Variants in ZNF516 observed in about 807,000 individuals in gnomAD.
The protein encoded by ZNF516 is zinc finger protein 516.
Under a neutral mutation model 79.7 loss-of-function variants are expected in ZNF516, and 19 were observed. The ratio of observed to expected loss-of-function variants is 0.24; its 90% CI spans 0.17 to 0.35. The LOEUF (loss-of-function observed/expected upper bound fraction) is 0.35. Among genes scored for constraint, ZNF516 ranks in the 10% least tolerant of loss-of-function variants. The pLI, the probability that ZNF516 is intolerant of heterozygous loss-of-function variation, is 1.00. For missense variants in ZNF516, 1,678 were observed against 1,679.5 expected (o/e 1.00, Z 0.02); for synonymous variants, 877 against 739.5 (o/e 1.19, Z -3.02).
chr18:76,461,666 G>A (rs1298681957), intron 2 of ZNF516, among the ~76,000 whole-genome samples: 8 of 152,336 alleles, frequency 5.3e-5, no homozygotes, highest in Admixed American at 2.0e-4. Context: ...TAAAATGGGC[G>A]CCTGGCACAC....
intron 1 of ZNF516, among the ~76,000 whole-genome samples, chr18:76,494,350 C>G (rs1915392301): frequency 6.6e-6 from 1 of 151,616 alleles, no homozygotes; most frequent in South Asian, 2.1e-4. Context: ...TTCATACACC[C>G]GGGTTCATCT....
intron 3 of ZNF516, among the ~76,000 whole-genome samples, chr18:76,401,442 A>AGCC (rs1304438655): frequency 6.6e-5 from 10 of 152,176 alleles, no homozygotes; most frequent in African/African-American, 2.2e-4. Context: ...ACCAAGCTGG[A>AGCC]GCCCTGGATC....
chr18:76,443,058 A>T lies in ZNF516; in HGVS notation c.-4T>A. On this transcript the variant is annotated 5_prime_UTR_variant, in exon 3 of 7. Transcript: ENST00000443185. ...CGGCCTCTCTGTTGCGATCCATCCG[A>T]AGGACGGGCGCGGCCGGTGGTGGCG... 1 of 1,581,662 alleles carries T rather than the reference A, an allele frequency of 6.3e-7. No individual in the cohort carries two copies. Among genetic ancestry groups the T allele is most frequent in the Admixed American group, 1.8e-5 (1 of 56,684 alleles).
At chr18:76,403,478 T>C (rs894489470) in intron 3 of ZNF516, among the ~76,000 whole-genome samples, 9 of 152,156 alleles carry the variant, frequency 5.9e-5, no homozygotes, top group African/African-American at 2.2e-4. Context: ...CACACACGCA[T>C]TCGCACAACT....
chr18:76,451,569 G>A lies in ZNF516; in HGVS notation c.-157-8358C>T, dbSNP rs535245830. On this transcript the variant is annotated intron_variant, in intron 2 of 6. Transcript: ENST00000443185. This position sits in a 1 kb window ranked among gnomAD's most constrained non-coding sequence, Gnocchi z 6.0. ...TCTAAAAGAGCAACTACGCTGGTGC[G>A]TTTCTGAAGGACGACTCTCAGACAC... 1.3e-5 allele frequency among the ~76,000 whole-genome samples: 2 copies of A among 152,312 alleles called. No homozygotes were observed. Among genetic ancestry groups the A allele is most frequent in the East Asian group, 1.9e-4 (1 of 5,178 alleles).
chr18:76,437,162 A>G (rs757435796), intron 3 of ZNF516, among the ~76,000 whole-genome samples: 4 of 151,728 alleles, frequency 2.6e-5, no homozygotes, highest in African/African-American at 9.7e-5. Flanking sequence ...AGAAAGAAAG[A>G]AGGACAGTTG....
chr18:76,368,333 C>G (rs1454088630), intron 6 of ZNF516, among the ~76,000 whole-genome samples: 1 of 152,096 alleles, frequency 6.6e-6, no homozygotes, highest in Non-Finnish European at 1.5e-5. Flanking sequence ...TTAGAGAACT[C>G]TGCAGAGCAT....
intron 3 of ZNF516, among the ~76,000 whole-genome samples, chr18:76,431,975 G>A (rs971586029): frequency 2.6e-5 from 4 of 152,228 alleles, no homozygotes; most frequent in African/African-American, 9.6e-5. Context: ...CCACTGCCCT[G>A]GCGGGAACAG....
At chr18:76,492,401 T>C (rs1021506345) in intron 1 of ZNF516, 2 of 977,806 alleles carry the variant, frequency 2.0e-6, no homozygotes, top group Non-Finnish European at 1.2e-6. Flanking sequence ...ATTGTGCGGG[T>C]CAGACGCAGC....
At chr18:76,382,362 G>A (rs1006598023) in intron 3 of ZNF516, among the ~76,000 whole-genome samples, 106 of 152,130 alleles carry the variant, frequency 7.0e-4, no homozygotes, top group African/African-American at 2.4e-3. Context: ...CTAAATATTC[G>A]AAAAAGGCAA....
At chr18:76,436,400 C>T (rs1373940351) in intron 3 of ZNF516, among the ~76,000 whole-genome samples, 1 of 152,180 alleles carries the variant, frequency 6.6e-6, no homozygotes, top group East Asian at 1.9e-4. Context: ...CCTTGGTCCA[C>T]AACCTCTTTC....
chr18:76,408,363 C>T (rs1168004732), intron 3 of ZNF516, among the ~76,000 whole-genome samples: 5 of 152,146 alleles, frequency 3.3e-5, no homozygotes, highest in African/African-American at 1.2e-4. Flanking sequence ...GGGGCTGCGG[C>T]GTGCGTCTCT....
At chr18:76,419,041 C>T (rs890305062) in intron 3 of ZNF516, among the ~76,000 whole-genome samples, 1 of 152,210 alleles carries the variant, frequency 6.6e-6, no homozygotes, top group African/African-American at 2.4e-5. Context: ...CCATTTCACA[C>T]CATCTCACCA....
rs115513637 is a variant in ZNF516, at chr18:76,399,993, C to T, written c.1811-19690G>A. 8.5e-3 allele frequency among the ~76,000 whole-genome samples: 1,302 copies of T among 152,292 alleles called. 23 individuals are homozygous for T. The highest frequency in any genetic ancestry group is 0.03 in the African/African-American group (1,227 of 41,560). On this transcript the variant is annotated intron_variant, in intron 3 of 6. Transcript: ENST00000443185. ...TTCAAGGGTAAGGATGTGCCTCTCCCACCGTGGGATGAGCAGACCATCACC... is the reference window on the plus strand; with the variant it reads ...TTCAAGGGTAAGGATGTGCCTCTCCTACCGTGGGATGAGCAGACCATCACC...
intron 1 of ZNF516, among the ~76,000 whole-genome samples, chr18:76,475,707 C>T (rs970431939): frequency 3.3e-5 from 5 of 152,162 alleles, no homozygotes; most frequent in Non-Finnish European, 5.9e-5. Context: ...TCTGGCCACA[C>T]TGGGCACTGG....
At chr18:76,366,593 C>T (rs924804160) in intron 6 of ZNF516, among the ~76,000 whole-genome samples, 1 of 152,206 alleles carries the variant, frequency 6.6e-6, no homozygotes, top group Non-Finnish European at 1.5e-5. Context: ...CAACATCTAC[C>T]AACTGGCTTA....
Position 76,360,657 on chromosome 18 carries a change from A to C in ZNF516, c.*1841T>G, listed in dbSNP as rs1439859272. 1 of 118,136 alleles carries C rather than the reference A, an allele frequency of 8.5e-6. No individual in the cohort carries two copies. Among genetic ancestry groups the C allele is most frequent in the Non-Finnish European group, 1.8e-5 (1 of 55,240 alleles). The allele number at this position is 118,136 out of a possible 1,614,324, so 7.3% of individuals were successfully genotyped here. On this transcript the variant is annotated 3_prime_UTR_variant, in exon 7 of 7. Transcript: ENST00000443185. ...TAAAAAAAAAAAAAAATATATATAT[A>C]TATATATATATATATATATATAAGC...
chr18:76,443,257 G>A, intron 2 of ZNF516, 46 bp from the exon 3 acceptor site: 2 of 753,190 alleles, frequency 2.7e-6, no homozygotes, highest in Non-Finnish European at 4.0e-6. Context: ...TGGCTAAGAG[G>A]GCACAGGCAT....
chr18:76,410,860 C>T (rs1032839790), intron 3 of ZNF516, among the ~76,000 whole-genome samples: 1 of 152,082 alleles, frequency 6.6e-6, no homozygotes, highest in African/African-American at 2.4e-5. Context: ...CAGGTTATAG[C>T]CAATTAAACA....
Sources: gnomAD v4.1 joint callset for allele counts (sites outside exome capture counted in the v4.1 genomes callset) on GRCh38, gnomAD v4.1.1 for gene constraint, Gnocchi (gnomAD v3.1) non-coding constraint, MANE v1.5 for transcripts, NCBI Gene and HGNC (gene_info 2026-07-23, HGNC 2026-07-21) for gene names.